The following LRRC69 variants were observed in gnomAD, a reference collection of about 807,000 sequenced individuals.
The protein encoded by LRRC69 is leucine-rich repeat-containing protein 69.
Under a neutral mutation model 37.8 loss-of-function variants are expected in LRRC69, and 42 were observed. That is an observed-to-expected ratio of 1.11 (90% CI 0.87 to 1.44). LRRC69 has a LOEUF of 1.44. Ranked by LOEUF, LRRC69 falls within the 40% of genes most tolerant of loss-of-function variation. LRRC69 has a pLI of 0.00. For missense variants in LRRC69, 357 were observed against 401.9 expected (o/e 0.89, Z 0.96); for synonymous variants, 141 against 143.1 (o/e 0.99, Z 0.11).
At chr8:91,158,498 A>G (rs1029242786) in intron 5 of LRRC69, 18 of 1,124,110 alleles carry the variant, frequency 1.6e-5, no homozygotes, top group African/African-American at 1.4e-4. Flanking sequence ...CACAATGCAC[A>G]TGGGAGATGA....
intron 1 of LRRC69, chr8:91,118,281 G>T (rs1247686871): frequency 1.1e-5 from 5 of 443,856 alleles, no homozygotes; most frequent in Non-Finnish European, 2.2e-5. Context: ...GAGGCAGGCG[G>T]ATCACTTGAA....
intron 5 of LRRC69, among the ~76,000 whole-genome samples, chr8:91,165,955 C>T (rs184223471): frequency 4.1e-4 from 62 of 151,758 alleles, no homozygotes; most frequent in African/African-American, 1.3e-3. Flanking sequence ...TTGGTAGTAA[C>T]CTCTTTTTTA....
chr8:91,110,061 T>C (rs1204013397), intron 1 of LRRC69, among the ~76,000 whole-genome samples: 1 of 151,996 alleles, frequency 6.6e-6, no homozygotes, highest in Non-Finnish European at 1.5e-5. Flanking sequence ...GTAAAATCGT[T>C]ATTATTCCCT....
intron 7 of LRRC69, among the ~76,000 whole-genome samples, chr8:91,211,614 ATATT>A (rs1249927961): frequency 1.4e-5 from 2 of 140,748 alleles, no homozygotes; most frequent in South Asian, 2.2e-4. Context: ...ATATATATAT[ATATT>A]TTTTTTTTAT....
intron 5 of LRRC69, among the ~76,000 whole-genome samples, chr8:91,144,802 G>C (rs1445967391): frequency 6.6e-6 from 1 of 151,798 alleles, no homozygotes; most frequent in Non-Finnish European, 1.5e-5. Context: ...TCTGTTACTT[G>C]TCTAATTCAA....
At chr8:91,150,526 G>A (rs1808714198) in intron 5 of LRRC69, among the ~76,000 whole-genome samples, 1 of 151,894 alleles carries the variant, frequency 6.6e-6, no homozygotes, top group Non-Finnish European at 1.5e-5. Flanking sequence ...TGTTCATCAG[G>A]GATATTGGTC....
intron 1 of LRRC69, among the ~76,000 whole-genome samples, chr8:91,105,374 G>A (rs879400213): frequency 3.3e-5 from 5 of 151,726 alleles, no homozygotes; most frequent in South Asian, 2.1e-4. Context: ...AGCTCCATCC[G>A]TCTCACAGTT....
chr8:91,183,978 G>A (rs1265600725), intron 5 of LRRC69, among the ~76,000 whole-genome samples: 1 of 152,006 alleles, frequency 6.6e-6, no homozygotes, highest in African/African-American at 2.4e-5. Flanking sequence ...CATAGAAAAG[G>A]GTTTCTTAAA....
intron 6 of LRRC69, among the ~76,000 whole-genome samples, chr8:91,191,052 C>CCA (rs1554595707): frequency 4.8e-5 from 7 of 145,348 alleles, no homozygotes; most frequent in Non-Finnish European, 7.6e-5. Context: ...CCCCCCCCCC[C>CCA]CCAAGTCAAA....
intron 6 of LRRC69, among the ~76,000 whole-genome samples, chr8:91,196,215 C>T (rs1809597387): frequency 6.6e-6 from 1 of 152,002 alleles, no homozygotes; most frequent in Non-Finnish European, 1.5e-5. Flanking sequence ...GAGAGATCTG[C>T]TGTTAGTCTG....
In LRRC69 at chr8:91,102,826, GT is replaced by G. The variant is rs770360340; in HGVS notation, c.167del (p.Leu56TyrfsTer4). The G allele has an allele frequency of 2.6e-6, 4 of 1,546,916 alleles. No individual in the cohort carries two copies. In the African/African-American group the frequency reaches 5.5e-5, roughly 21 times the overall value. On this transcript the variant is annotated frameshift_variant, in exon 1 of 8. Coordinates refer to ENST00000448384, the Ensembl canonical transcript of LRRC69. LOFTEE classifies it high-confidence loss of function. Reference sequence around the variant, plus strand: ...ACCTAATCCCCAAAGTGTGTCCAGAGTTATGCAACTTGACCCAGGTGAGGAA... The same window carrying G: ...ACCTAATCCCCAAAGTGTGTCCAGAGTATGCAACTTGACCCAGGTGAGGAA...
At chr8:91,166,044 C>A (rs1029819564) in intron 5 of LRRC69, among the ~76,000 whole-genome samples, 10 of 151,804 alleles carry the variant, frequency 6.6e-5, no homozygotes, top group African/African-American at 2.2e-4. Context: ...CATGAACTTT[C>A]ATGCACTGCA....
intron 2 of LRRC69, among the ~76,000 whole-genome samples, chr8:91,125,458 T>C (rs944435416): frequency 4.6e-5 from 7 of 151,836 alleles, no homozygotes; most frequent in African/African-American, 1.7e-4. Context: ...TCTTAGGTCA[T>C]GTATCTTGGA....
intron 4 of LRRC69, among the ~76,000 whole-genome samples, chr8:91,134,271 G>T (rs574063363): frequency 7.3e-5 from 11 of 151,388 alleles, no homozygotes; most frequent in Non-Finnish European, 1.5e-4. Context: ...CTGGTAATGT[G>T]GCTGAGTCCA....
chr8:91,150,603 A>C (rs1215841617), intron 5 of LRRC69, among the ~76,000 whole-genome samples: 1 of 152,064 alleles, frequency 6.6e-6, no homozygotes, highest in African/African-American at 2.4e-5. Context: ...GCCTCATAAA[A>C]TGAGTTAGGG....
chr8:91,212,020 ATAAT>A (rs1809936691), intron 7 of LRRC69, among the ~76,000 whole-genome samples: 1 of 152,152 alleles, frequency 6.6e-6, no homozygotes, highest in South Asian at 2.1e-4. Flanking sequence ...AATCTTGATC[ATAAT>A]TAATCCAGAT....
intron 5 of LRRC69, among the ~76,000 whole-genome samples, chr8:91,167,133 T>A (rs1329130365): frequency 2.6e-5 from 4 of 151,812 alleles, no homozygotes; most frequent in Non-Finnish European, 5.9e-5. Context: ...TAAGGACTGC[T>A]TCTAGGGAAG....
At chr8:91,114,455 G>GTGTGTGTGTATATA (rs142337818) in intron 1 of LRRC69, among the ~76,000 whole-genome samples, 1 of 150,970 alleles carries the variant, frequency 6.6e-6, no homozygotes, top group Admixed American at 6.6e-5. Flanking sequence ...GTGTGTGTGT[G>GTGTGTGTGTATATA]TATATATATA....
rs187087471 is a variant in LRRC69 at position 91,153,373 on chromosome 8, T to G, written c.651+17634T>G. On this transcript the variant is annotated intron_variant, in intron 5 of 7. Transcript: ENST00000448384. ...CTGGATCAAGTGGACCTGATAGATA[T>G]CTACAAAACTTTCCACCCCCAAACA... Among the ~76,000 whole-genome samples, 18 of 151,328 alleles carry G rather than the reference T, an allele frequency of 1.2e-4. No individual in the cohort carries two copies. In the East Asian group the frequency reaches 3.5e-3, roughly 30 times the overall value.
Sources: allele counts gnomAD v4.1 joint callset (sites outside exome capture counted in the v4.1 genomes callset), GRCh38; gene constraint gnomAD v4.1.1; transcripts MANE v1.5; gene names NCBI Gene and HGNC (gene_info 2026-07-23, HGNC 2026-07-21).